Variants in HKDC1 observed in about 807,000 individuals in gnomAD.
HKDC1 encodes the protein hexokinase HKDC1.
Under a neutral mutation model 96.6 loss-of-function variants are expected in HKDC1, and 66 were observed. The ratio of observed to expected loss-of-function variants is 0.68; its 90% CI spans 0.56 to 0.84. The LOEUF (loss-of-function observed/expected upper bound fraction) is 0.84, where lower values mean the gene tolerates loss of function less well. HKDC1 is among the 40% of genes least tolerant of loss of function. The pLI, the probability that HKDC1 is intolerant of heterozygous loss-of-function variation, is 0.00. For missense variants in HKDC1, 1,211 were observed against 1,208.1 expected (o/e 1.00, Z -0.04); for synonymous variants, 466 against 473.1 (o/e 0.98, Z 0.20).
chr10:69,220,876 G>A (rs1331441732), intron 1 of HKDC1, among the ~76,000 whole-genome samples: 6 of 152,348 alleles, frequency 3.9e-5, no homozygotes, highest in Middle Eastern at 3.4e-3. Flanking sequence ...AAGGCTGGGC[G>A]CAGTGGCTCA....
rs375244070 is a variant in HKDC1 at position 69,266,575 on chromosome 10, G to A, written c.2607-35G>A. On this transcript the variant is annotated intron_variant, in intron 17 of 17. Coordinates refer to ENST00000354624, the MANE Select transcript of HKDC1 (RefSeq NM_025130.4). Reference sequence around the variant, plus strand: ...TTTATAAATGTTCTGATTCTACATGGAAGGGCTGATGATGTTTCTTTCTCT... The same window carrying A: ...TTTATAAATGTTCTGATTCTACATGAAAGGGCTGATGATGTTTCTTTCTCT... The A allele has an allele frequency of 1.2e-3, 1,987 of 1,607,080 alleles. 32 individuals are homozygous for A. In the South Asian group the frequency reaches 0.021, roughly 17 times the overall value.
At chr10:69,260,832 C>T (rs922713876) in intron 15 of HKDC1, among the ~76,000 whole-genome samples, 3 of 152,164 alleles carry the variant, frequency 2.0e-5, no homozygotes, top group Non-Finnish European at 2.9e-5. Flanking sequence ...GTAGAATTTG[C>T]AGAGTGGAAC....
At chr10:69,253,630 TA>T (rs1470569376) in intron 12 of HKDC1, among the ~76,000 whole-genome samples, 2 of 152,184 alleles carry the variant, frequency 1.3e-5, no homozygotes, top group East Asian at 3.8e-4. Flanking sequence ...GTAAAATGCA[TA>T]GCGTGGGTCT....
intron 2 of HKDC1, among the ~76,000 whole-genome samples, chr10:69,227,636 G>A (rs975950273): frequency 6.6e-6 from 1 of 152,112 alleles, no homozygotes; most frequent in African/African-American, 2.4e-5. Flanking sequence ...TTCTTCCCTG[G>A]TGAGTATCAA....
chr10:69,266,532 G>A (rs1179591050), intron 17 of HKDC1, 78 bp from the exon 18 acceptor site: 1 of 1,464,606 alleles, frequency 6.8e-7, no homozygotes, highest in African/African-American at 1.4e-5. Flanking sequence ...AGAAGCTAAA[G>A]AAATTAGATT....
At chr10:69,266,550 T>C (rs1167819249) in intron 17 of HKDC1, 60 bp from the exon 18 acceptor site, 2 of 1,555,792 alleles carry the variant, frequency 1.3e-6, no homozygotes, top group African/African-American at 2.7e-5. Flanking sequence ...ATTATGATCA[T>C]TTATAAATGT....
At chr10:69,250,223 C>G in intron 10 of HKDC1, 67 bp from the exon 11 acceptor site, 1 of 1,555,422 alleles carries the variant, frequency 6.4e-7, no homozygotes, top group African/African-American at 1.4e-5. Flanking sequence ...CCGACGTCTC[C>G]TCTTCCTCCC....
intron 4 of HKDC1, among the ~76,000 whole-genome samples, chr10:69,234,639 C>A (rs565257159): frequency 1.3e-5 from 2 of 152,322 alleles, no homozygotes; most frequent in South Asian, 4.1e-4. Flanking sequence ...GTAAAGCATC[C>A]AACACTGTGG....
At chr10:69,242,429 G>A (rs72814228) in intron 6 of HKDC1, among the ~76,000 whole-genome samples, 16,619 of 115,378 alleles carry the variant, frequency 0.14, 1,250 homozygotes, top group Middle Eastern at 0.22. Flanking sequence ...AGATACTGAA[G>A]AAAAAAAAAA....
At chr10:69,262,349 C>T (rs1843822613) in intron 16 of HKDC1, among the ~76,000 whole-genome samples, 1 of 151,952 alleles carries the variant, frequency 6.6e-6, no homozygotes, top group Non-Finnish European at 1.5e-5. Context: ...CATTTGAATA[C>T]AGTAAATCAT....
At chr10:69,239,273 A>T in intron 5 of HKDC1, 136 bp downstream of exon 5, 2 of 616,162 alleles carry the variant, frequency 3.2e-6, no homozygotes, top group East Asian at 5.9e-5. Flanking sequence ...AATTGATCTT[A>T]GAAAAGGTCC....
intron 1 of HKDC1, among the ~76,000 whole-genome samples, chr10:69,221,942 C>A (rs1843072608): frequency 1.3e-5 from 2 of 151,832 alleles, no homozygotes; most frequent in South Asian, 4.2e-4. Context: ...AAAAAAAAGG[C>A]CAAGGATGGT....
At chr10:69,238,363 A>ATTTTTTTTT (rs1843395795) in intron 4 of HKDC1, among the ~76,000 whole-genome samples, 1 of 21,566 alleles carries the variant, frequency 4.6e-5, no homozygotes, top group African/African-American at 1.4e-4. Context: ...TACACCAGGT[A>ATTTTTTTTT]TTTTCTTTTT....
At chr10:69,246,948 G>A (rs903380933) in intron 8 of HKDC1, among the ~76,000 whole-genome samples, 1 of 152,246 alleles carries the variant, frequency 6.6e-6, no homozygotes, top group Non-Finnish European at 1.5e-5. Flanking sequence ...CAGAATTTCC[G>A]TGAAAGTCAG....
rs775603000 is a variant in HKDC1, at chr10:69,232,820, G to T, written c.283G>T (p.Val95Leu). The T allele has an allele frequency of 1.9e-6, 3 of 1,614,076 alleles. No individual in the cohort carries two copies. Among genetic ancestry groups the T allele is most frequent in the Admixed American group, 3.3e-5 (2 of 60,008 alleles). ...AGGGTCCAAGTTCCGAGTGCTGAAG[G>T]TGCAAGTCGCTGAAGAGGGGAAGCG... ...LGGSKFRVLK[V>L]QVAEEGKRHV... Residue 95 changes from valine (V) to leucine (L), a missense_variant, in exon 3 of 18, where the codon GTG (valine) becomes TTG (leucine). By Grantham distance (32) the Val-to-Leu change is conservative. Coordinates refer to ENST00000354624, the MANE Select transcript of HKDC1 (RefSeq NM_025130.4).
rs114137678 is a variant in HKDC1 at position 69,264,688 on chromosome 10, T to C, written c.2373-897T>C. Among the ~76,000 whole-genome samples the C allele has an allele frequency of 3.9e-3, 591 of 152,340 alleles. 2 individuals are homozygous for C. The highest frequency in any genetic ancestry group is 0.014 in the African/African-American group (562 of 41,572). Reference sequence around the variant, plus strand: ...GCCACAAACTCATCTTTAAGATCTATGAAGAATTCTATTGTTTGGCTACAC... The same window carrying C: ...GCCACAAACTCATCTTTAAGATCTACGAAGAATTCTATTGTTTGGCTACAC... On this transcript the variant is annotated intron_variant, in intron 16 of 17. Coordinates refer to ENST00000354624, the MANE Select transcript of HKDC1 (RefSeq NM_025130.4).
At position 69,227,399 on chromosome 10, in the gene HKDC1, C is replaced by G. The variant is rs770744809; in HGVS notation, c.226+30C>G. 6 of 1,613,340 alleles carry G rather than the reference C, an allele frequency of 3.7e-6. No homozygotes were observed. In the East Asian group the frequency reaches 1.3e-4, roughly 36 times the overall value. ...GTGCAGTTGTCCGCTGCCAGGGTCC[C>G]TGGCTCCTCTTGGCTGATGGGTGTC... On this transcript the variant is annotated intron_variant, in intron 2 of 17. Transcript: ENST00000354624.
Position 69,266,690 on chromosome 10 carries a change from G to A in HKDC1, c.2687G>A (p.Ser896Asn), listed in dbSNP as rs1432675747. 2 of 1,614,194 alleles carry A rather than the reference G, an allele frequency of 1.2e-6. No individual in the cohort carries two copies. Among genetic ancestry groups the A allele is most frequent in the Admixed American group, 1.7e-5 (1 of 60,030 alleles). The change falls in exon 18 of 18, where the codon AGT becomes AAT. Residue 896 changes from serine to asparagine, a missense_variant. Physicochemically the swap from Ser to Asn is conservative, Grantham distance 46. Transcript: ENST00000354624. ...DVTFMLSEDGSGKGAALITAV... is the reference protein window; with the variant it reads ...DVTFMLSEDGNGKGAALITAV... ...ACATTCATGCTGTCAGAAGATGGCA[G>A]TGGAAAAGGGGCAGCACTGATCACT...
chr10:69,232,635 C>A, intron 2 of HKDC1, 129 bp from the exon 3 acceptor site: 2 of 874,652 alleles, frequency 2.3e-6, no homozygotes, highest in Non-Finnish European at 3.6e-6. Flanking sequence ...TCAGCCTTGG[C>A]AAATGAGCAT....
Sources: allele counts gnomAD v4.1 joint callset (sites outside exome capture counted in the v4.1 genomes callset), GRCh38; gene constraint gnomAD v4.1.1; transcripts MANE v1.5; gene names NCBI Gene and HGNC (gene_info 2026-07-23, HGNC 2026-07-21).